MAN2A1: variants seen among roughly 807,000 people sequenced by gnomAD.
MAN2A1 encodes the protein alpha-mannosidase 2.
A neutral mutation model predicts 142.6 loss-of-function variants in MAN2A1; 76 were observed. The observed-to-expected ratio is 0.53, with a 90% confidence interval of 0.44 to 0.65. The LOEUF (loss-of-function observed/expected upper bound fraction) is 0.65, where lower values mean the gene tolerates loss of function less well. MAN2A1 is among the 30% of genes least tolerant of loss of function. The pLI is 0.00. For missense variants in MAN2A1, 1,311 were observed against 1,365.1 expected (o/e 0.96, Z 0.62); for synonymous variants, 559 against 473.2 (o/e 1.18, Z -2.35).
chr5:109,746,085 G>A (rs190627298), intron 4 of MAN2A1, among the ~76,000 whole-genome samples: 1 of 151,990 alleles, frequency 6.6e-6, no homozygotes, highest in Non-Finnish European at 1.5e-5. Flanking sequence ...AGCAGTTCTC[G>A]TGCCTCAGCC....
intron 3 of MAN2A1, among the ~76,000 whole-genome samples, chr5:109,719,673 A>G (rs1284136402): frequency 6.6e-6 from 1 of 152,182 alleles, no homozygotes; most frequent in Admixed American, 6.5e-5. Flanking sequence ...TATTGGGAAT[A>G]GAAATATTTG....
intron 9 of MAN2A1, among the ~76,000 whole-genome samples, chr5:109,782,205 A>G (rs894522314): frequency 1.3e-5 from 2 of 152,200 alleles, no homozygotes; most frequent in African/African-American, 4.8e-5. Flanking sequence ...ATGTAAATGG[A>G]TACAGAGAAG....
intron 12 of MAN2A1, among the ~76,000 whole-genome samples, chr5:109,813,160 G>A (rs1754363730): frequency 6.6e-6 from 1 of 152,116 alleles, no homozygotes; most frequent in South Asian, 2.1e-4. Context: ...CAGTGTTCCA[G>A]TATATAAATT....
chr5:109,795,845 C>T (rs1753843436), intron 12 of MAN2A1, among the ~76,000 whole-genome samples: 1 of 152,092 alleles, frequency 6.6e-6, no homozygotes, highest in Non-Finnish European at 1.5e-5. Flanking sequence ...TGCCTAAGGT[C>T]TCTGTTGACC....
intron 12 of MAN2A1, among the ~76,000 whole-genome samples, chr5:109,793,350 A>G (rs1310086553): frequency 6.6e-6 from 1 of 152,196 alleles, no homozygotes; most frequent in Non-Finnish European, 1.5e-5. Flanking sequence ...CCTTGAGAGT[A>G]GGAATTATTT....
intron 12 of MAN2A1, among the ~76,000 whole-genome samples, chr5:109,807,899 C>T (rs1193413498): frequency 2.0e-5 from 3 of 152,144 alleles, no homozygotes; most frequent in Non-Finnish European, 2.9e-5. Flanking sequence ...CTATCTACTT[C>T]GCCGTCCTGC....
chr5:109,754,145 C>T (rs914380235), intron 4 of MAN2A1, among the ~76,000 whole-genome samples: 1 of 152,132 alleles, frequency 6.6e-6, no homozygotes, highest in African/African-American at 2.4e-5. Flanking sequence ...TTCCTTACCT[C>T]AAGCAATCCT....
Position 109,729,362 on chromosome 5 carries a change from G to T in MAN2A1, c.556G>T (p.Asp186Tyr). Residue 186 changes from aspartate (D) to tyrosine (Y), a missense_variant, in exon 4 of 22, where the codon GAC becomes TAC. Transcript: ENST00000261483. ...NDPGWLKTFN[D>Y]YFRDKTQYIF... ...TTTAGGTTGGTTGAAGACTTTCAAT[G>T]ACTACTTTAGAGACAAGACTCAGTA... 1.9e-6 allele frequency: 3 copies of T among 1,601,912 alleles called. No homozygotes were observed. In the South Asian group the frequency reaches 3.4e-5, roughly 18 times the overall value.
chr5:109,749,272 A>G (rs1298839798), intron 4 of MAN2A1, among the ~76,000 whole-genome samples: 1 of 152,138 alleles, frequency 6.6e-6, no homozygotes, highest in Non-Finnish European at 1.5e-5. Flanking sequence ...ATGATTCTAC[A>G]TAGGGGAAAA....
chr5:109,734,429 C>G (rs1161052375), intron 4 of MAN2A1, among the ~76,000 whole-genome samples: 1 of 151,578 alleles, frequency 6.6e-6, no homozygotes, highest in Non-Finnish European at 1.5e-5. Context: ...AATGTGTTTG[C>G]TCTTGTTTCT....
intron 1 of MAN2A1, 79 bp downstream of exon 1, chr5:109,690,631 C>T: frequency 6.8e-7 from 1 of 1,473,260 alleles, no homozygotes. Flanking sequence ...TACCCAACCT[C>T]TTCCTCCCGC....
At chr5:109,740,741 G>T (rs574486542) in intron 4 of MAN2A1, among the ~76,000 whole-genome samples, 5 of 152,282 alleles carry the variant, frequency 3.3e-5, no homozygotes, top group Middle Eastern at 6.8e-3. Context: ...TCTTATTTAT[G>T]CTGGGATTCC....
In MAN2A1 at chr5:109,847,789, C is replaced by T. The variant is rs768322727; in HGVS notation, c.2975C>T (p.Thr992Met). 1.4e-5 allele frequency: 21 copies of T among 1,539,378 alleles called. No individual in the cohort carries two copies. The highest frequency in any genetic ancestry group is 1.0e-4 in the South Asian group (8 of 78,218). ...CTAGAAAAAAGAAGTGCTGTTAATA[C>T]GGTATGAAAAAATAACTAGCATGAT... The part of the protein sequence containing the change: ...ILLEKRSAVN[T>M]EEEKKSVSYP... The change falls in exon 19 of 22, where the codon ACG becomes ATG. Residue 992 changes from threonine (T) to methionine (M), a missense_variant and splice_region_variant. This residue lies in a region of MAN2A1 where 890 missense variants were observed against 920.5 expected (regional missense o/e 0.97). Coordinates refer to ENST00000261483, the MANE Select transcript of MAN2A1 (RefSeq NM_002372.4).
At chr5:109,789,639 A>C in intron 12 of MAN2A1, 112 bp downstream of exon 12, 1 of 685,244 alleles carries the variant, frequency 1.5e-6, no homozygotes, top group East Asian at 2.9e-5. Context: ...TTTATTAATT[A>C]AAAAACTCCT....
At chr5:109,833,553 C>G (rs1214772772) in intron 16 of MAN2A1, among the ~76,000 whole-genome samples, 1 of 152,042 alleles carries the variant, frequency 6.6e-6, no homozygotes, top group Non-Finnish European at 1.5e-5. Context: ...GCCTGCAATC[C>G]CAGGCACTCG....
chr5:109,695,082 C>T (rs931229852), intron 1 of MAN2A1, among the ~76,000 whole-genome samples: 1 of 152,208 alleles, frequency 6.6e-6, no homozygotes, highest in East Asian at 1.9e-4. Flanking sequence ...TCCTCTAACT[C>T]CTCTTCAGTC....
At chr5:109,789,415 A>G (rs1453005175) in intron 11 of MAN2A1, 45 bp from the exon 12 acceptor site, 3 of 1,135,886 alleles carry the variant, frequency 2.6e-6, no homozygotes, top group Non-Finnish European at 3.9e-6. Flanking sequence ...GGATGAGTCC[A>G]TGGAGTGTTA....
intron 1 of MAN2A1, among the ~76,000 whole-genome samples, chr5:109,694,341 CTT>C (rs780658430): frequency 1.4e-5 from 2 of 145,410 alleles, no homozygotes; most frequent in Admixed American, 6.9e-5. Context: ...ACTTGTATAC[CTT>C]TTTTTTTTTT....
chr5:109,758,470 G>T (rs554096605), intron 5 of MAN2A1, among the ~76,000 whole-genome samples: 87 of 151,408 alleles, frequency 5.7e-4, no homozygotes, highest in African/African-American at 1.7e-3. Flanking sequence ...TCATTCTGTG[G>T]TTTTTTCACT....
Sources: allele counts gnomAD v4.1 joint callset (sites outside exome capture counted in the v4.1 genomes callset), GRCh38; gene constraint gnomAD v4.1.1; regional missense constraint gnomAD v4.1.1; transcripts MANE v1.5; gene names NCBI Gene and HGNC (gene_info 2026-07-23, HGNC 2026-07-21).